VPS13A: variants seen among roughly 807,000 people sequenced by gnomAD.
VPS13A encodes intermembrane lipid transfer protein VPS13A.
Under a neutral mutation model 390.9 loss-of-function variants are expected in VPS13A, and 264 were observed. That is an observed-to-expected ratio of 0.68 (90% CI 0.61 to 0.75). The LOEUF (loss-of-function observed/expected upper bound fraction) is 0.75. VPS13A is among the 30% of genes least tolerant of loss of function. The probability of loss-of-function intolerance (pLI) is 0.00; values close to 1 mark genes in which losing one functional copy is unlikely to be tolerated. For missense variants in VPS13A, 3,409 were observed against 3,733.9 expected (o/e 0.91, Z 2.27); for synonymous variants, 1,231 against 1,227.1 (o/e 1.00, Z -0.07).
chr9:77,269,125 A>G (rs1826211279), intron 23 of VPS13A, among the ~76,000 whole-genome samples: 2 of 152,218 alleles, frequency 1.3e-5, no homozygotes, highest in South Asian at 4.1e-4. Flanking sequence ...AGCTTTTTGT[A>G]TCACATCTCT....
At chr9:77,187,484 A>C (rs749058342) in intron 1 of VPS13A, among the ~76,000 whole-genome samples, 10 of 152,118 alleles carry the variant, frequency 6.6e-5, no homozygotes, top group Non-Finnish European at 1.2e-4. Context: ...GTAATGTTGA[A>C]CATCTTTTCA....
Position 77,177,740 on chromosome 9 carries a change from C to T in VPS13A, c.36C>T (p.Asn12=), listed in dbSNP as rs377024771. Residue 12 remains asparagine (N), a synonymous_variant, in exon 1 of 72, where the codon AAC becomes AAT. Coordinates refer to ENST00000360280, the MANE Select transcript of VPS13A (RefSeq NM_033305.3). ...AGTCGGTGGTCGTGGACGTGTTGAA[C>T]CGGTTCTTGGGGGACTATGTGGTGG... ...VFESVVVDVL[N]RFLGDYVVDL... 3 of 1,613,436 alleles carry T rather than the reference C, an allele frequency of 1.9e-6. No homozygotes were observed. The highest frequency in any genetic ancestry group is 4.5e-5 in the East Asian group (2 of 44,814).
chr9:77,202,364 A>C (rs1221273178), intron 3 of VPS13A, among the ~76,000 whole-genome samples: 3 of 152,092 alleles, frequency 2.0e-5, no homozygotes, highest in South Asian at 2.1e-4. Context: ...ACATGTGTAC[A>C]TTTTAAATAC....
At chr9:77,260,039 T>A (rs1825668064) in intron 22 of VPS13A, 47 bp from the exon 23 acceptor site, 2 of 1,242,168 alleles carry the variant, frequency 1.6e-6, no homozygotes, top group East Asian at 5.1e-5. Flanking sequence ...TGCACTTAAA[T>A]CAGAATAATT....
intron 52 of VPS13A, among the ~76,000 whole-genome samples, chr9:77,345,875 C>T (rs1422254881): frequency 6.6e-6 from 1 of 152,070 alleles, no homozygotes; most frequent in Non-Finnish European, 1.5e-5. Flanking sequence ...GTACCTAAAA[C>T]TCGTTTGGGG....
rs558129697 is a variant in VPS13A at position 77,314,664 on chromosome 9, G to A, written c.4412G>A (p.Arg1471Gln). 6.2e-6 allele frequency: 10 copies of A among 1,610,450 alleles called. No individual in the cohort carries two copies. Among genetic ancestry groups the A allele is most frequent in the Non-Finnish European group, 7.6e-6 (9 of 1,177,378 alleles). Reference protein sequence around the residue: ...KRPHVKKATPRMIGLTVGFDK... With the variant: ...KRPHVKKATPQMIGLTVGFDK... ...CCTCATGTCAAGAAAGCAACTCCTC[G>A]GTATGTATTGTAATGATGTTCTAAG... The change falls in exon 37 of 72, where the codon CGA becomes CAA. Residue 1471 changes from arginine to glutamine, a missense_variant and splice_region_variant. Coordinates refer to ENST00000360280, the MANE Select transcript of VPS13A (RefSeq NM_033305.3).
chr9:77,312,141 G>T (rs1587553911), intron 35 of VPS13A, among the ~76,000 whole-genome samples: 1 of 151,948 alleles, frequency 6.6e-6, no homozygotes, highest in Admixed American at 6.6e-5. Flanking sequence ...ATGAAAAGAA[G>T]ACAGTAATAA....
chr9:77,369,178 A>C, intron 62 of VPS13A, 121 bp from the exon 63 acceptor site: 1 of 741,090 alleles, frequency 1.3e-6, no homozygotes, highest in Non-Finnish European at 2.4e-6. Flanking sequence ...GAGATGGTTT[A>C]GGAGTTGAAA....
intron 68 of VPS13A, chr9:77,382,752 T>C (rs1274129937): frequency 5.1e-6 from 5 of 985,782 alleles, no homozygotes; most frequent in Non-Finnish European, 6.0e-6. Flanking sequence ...GTGTAGTCTT[T>C]ATAAAACTTG....
At chr9:77,370,683 T>G in intron 65 of VPS13A, 105 bp downstream of exon 65, 1 of 1,524,978 alleles carries the variant, frequency 6.6e-7, no homozygotes, top group Non-Finnish European at 9.0e-7. Flanking sequence ...TAAATTATTA[T>G]TTGGATATTT....
At chr9:77,210,303 C>G (rs1028862705) in intron 6 of VPS13A, among the ~76,000 whole-genome samples, 1 of 147,392 alleles carries the variant, frequency 6.8e-6, no homozygotes, top group African/African-American at 2.5e-5. Flanking sequence ...CCGATCATGA[C>G]TCATTGCAAC....
At chr9:77,307,404 T>C (rs1350990173) in intron 34 of VPS13A, among the ~76,000 whole-genome samples, 1 of 152,150 alleles carries the variant, frequency 6.6e-6, no homozygotes, top group Non-Finnish European at 1.5e-5. Flanking sequence ...TGAGCTAGGA[T>C]TGCACCACTG....
chr9:77,287,713 G>A (rs1827414454), intron 31 of VPS13A, among the ~76,000 whole-genome samples: 1 of 152,218 alleles, frequency 6.6e-6, no homozygotes, highest in Admixed American at 6.5e-5. Context: ...TCTGAGCTGT[G>A]GATTTGAGCC....
chr9:77,301,071 A>G lies in VPS13A; in HGVS notation c.3813-1844A>G, dbSNP rs138789588. On this transcript the variant is annotated intron_variant, in intron 33 of 71. Transcript: ENST00000360280. ...CACGTAGGAAAGGTGTATTTTATCC[A>G]TATATTGGGTAGTACTGATAAGAAA... 5.8e-3 allele frequency among the ~76,000 whole-genome samples: 877 copies of G among 152,362 alleles called. 12 individuals carry two copies. Among genetic ancestry groups the G allele is most frequent in the African/African-American group, 0.02 (846 of 41,584 alleles).
intron 56 of VPS13A, 57 bp downstream of exon 56, chr9:77,357,895 C>A: frequency 2.7e-6 from 4 of 1,502,778 alleles, no homozygotes; most frequent in Non-Finnish European, 3.7e-6. Context: ...CAATAAGAAA[C>A]CAGATCTATT....
chr9:77,222,564 A>C (rs1823279707), intron 13 of VPS13A, among the ~76,000 whole-genome samples: 2 of 152,214 alleles, frequency 1.3e-5, no homozygotes, highest in Admixed American at 6.5e-5. Context: ...TTACAAATTG[A>C]AGGTTTGTGG....
chr9:77,329,945 T>C (rs145638480), intron 45 of VPS13A, among the ~76,000 whole-genome samples: 125 of 152,336 alleles, frequency 8.2e-4, no homozygotes, highest in African/African-American at 2.8e-3. Flanking sequence ...ATTGCTGTTG[T>C]GTAGTCATAA....
chr9:77,312,486 G>T (rs1425925738), intron 35 of VPS13A, among the ~76,000 whole-genome samples: 4 of 151,770 alleles, frequency 2.6e-5, no homozygotes, highest in Non-Finnish European at 5.9e-5. Flanking sequence ...GAGTGCAGTG[G>T]TGTGGTCTCA....
chr9:77,392,272 T>C (rs1430119331), intron 68 of VPS13A, among the ~76,000 whole-genome samples: 1 of 152,146 alleles, frequency 6.6e-6, no homozygotes, highest in Non-Finnish European at 1.5e-5. Flanking sequence ...CAATGAACGG[T>C]TAAAATGAGA....
Sources: allele counts gnomAD v4.1 joint callset (sites outside exome capture counted in the v4.1 genomes callset), GRCh38; gene constraint gnomAD v4.1.1; transcripts MANE v1.5; gene names NCBI Gene and HGNC (gene_info 2026-07-23, HGNC 2026-07-21).